SHROOM3: variants seen among roughly 807,000 people sequenced by gnomAD.
SHROOM3 encodes the protein shroom family member 3, also known as protein Shroom3.
SHROOM3 carries 47 observed loss-of-function variants against 138.6 expected under a neutral mutation model. The observed-to-expected ratio is 0.34, with a 90% CI of 0.27 to 0.43. SHROOM3 has a LOEUF of 0.43. Among genes scored for constraint, SHROOM3 ranks in the 20% least tolerant of loss-of-function variants. The probability of loss-of-function intolerance (pLI) is 1.00; values close to 1 mark genes in which losing one functional copy is unlikely to be tolerated. For synonymous variants in SHROOM3, 1,062 were observed against 1,063.3 expected (o/e 1.00, Z 0.02); for missense variants, 2,491 against 2,596.5 (o/e 0.96, Z 0.88).
At chr4:76,472,765 G>A (rs112785165) in intron 1 of SHROOM3, among the ~76,000 whole-genome samples, 2 of 151,796 alleles carry the variant, frequency 1.3e-5, no homozygotes, top group East Asian at 3.9e-4. Flanking sequence ...CGTGATCTCA[G>A]CTCACTGCAA....
chr4:76,771,122 T>C (rs549278167), intron 10 of SHROOM3, among the ~76,000 whole-genome samples: 2 of 152,316 alleles, frequency 1.3e-5, no homozygotes, highest in South Asian at 4.2e-4. Context: ...TCCAGCATTT[T>C]GGGAGCCCAA....
In SHROOM3 at chr4:76,756,876, A is replaced by G; in HGVS notation, c.5137A>G (p.Asn1713Asp). The change falls in exon 8 of 11, where the codon AAC (asparagine) becomes GAC (aspartate). Residue 1713 changes from asparagine to aspartate, a missense_variant. By Grantham distance (23) the Asn-to-Asp change is conservative. Transcript: ENST00000296043. ...CCGAGATGTGAACTTGCTGAAGGAA[A>G]ACAGTGTAAAGAGGAAGGCCATACA... ...FPRDVNLLKE[N>D]SVKRKAIQRT... The G allele has an allele frequency of 6.2e-7, 1 of 1,614,126 alleles. No homozygotes were observed. The highest frequency in any genetic ancestry group is 2.2e-5 in the East Asian group (1 of 44,874).
At chr4:76,571,007 A>C (rs2110038086) in intron 2 of SHROOM3, among the ~76,000 whole-genome samples, 1 of 152,340 alleles carries the variant, frequency 6.6e-6, no homozygotes, top group Middle Eastern at 3.4e-3. Context: ...AATTGTTATC[A>C]GTTTAGGATC....
At chr4:76,493,159 T>C (rs1348352130) in intron 1 of SHROOM3, among the ~76,000 whole-genome samples, 1 of 143,218 alleles carries the variant, frequency 7.0e-6, no homozygotes, top group Non-Finnish European at 1.5e-5. Context: ...AGGCGGCGGT[T>C]GCAGTGAGCC....
chr4:76,586,460 CT>C, intron 2 of SHROOM3: 1 of 985,476 alleles, frequency 1.0e-6, no homozygotes, highest in African/African-American at 1.7e-5. Context: ...TGGGCATAGA[CT>C]TCCTTAAGGT....
intron 1 of SHROOM3, among the ~76,000 whole-genome samples, chr4:76,502,541 G>A (rs534681301): frequency 6.6e-6 from 1 of 152,314 alleles, no homozygotes; most frequent in South Asian, 2.1e-4. Context: ...TACTTAGCTC[G>A]TGTCCACTGT....
chr4:76,439,013 G>C (rs1217670933), intron 1 of SHROOM3, among the ~76,000 whole-genome samples: 3 of 152,120 alleles, frequency 2.0e-5, no homozygotes, highest in Non-Finnish European at 4.4e-5. Flanking sequence ...CAAACTTATG[G>C]CTTAAAAACA....
Position 76,664,756 on chromosome 4 carries a change from A to G in SHROOM3, c.324-45400A>G, listed in dbSNP as rs918518503. Among the ~76,000 whole-genome samples the G allele has an allele frequency of 3.3e-5, 5 of 152,226 alleles. No homozygotes were observed. The highest frequency in any genetic ancestry group is 6.5e-5 in the Admixed American group (1 of 15,288). ...TTAAGTATATCAAAGTTATTGTGCAATGGAGCTTGATAACTTTTTTATCCT... is the reference window on the plus strand; with the variant it reads ...TTAAGTATATCAAAGTTATTGTGCAGTGGAGCTTGATAACTTTTTTATCCT... On this transcript the variant is annotated intron_variant, in intron 2 of 10. Transcript: ENST00000296043. The surrounding 1 kb of genome is among the most constrained non-coding windows in gnomAD (Gnocchi z 4.2).
intron 2 of SHROOM3, among the ~76,000 whole-genome samples, chr4:76,681,048 G>A (rs750269424): frequency 1.1e-4 from 16 of 152,332 alleles, no homozygotes; most frequent in Middle Eastern, 3.4e-3. Flanking sequence ...TACAGATCTT[G>A]AAGATGGCCT....
chr4:76,490,408 C>T (rs1731824858), intron 1 of SHROOM3, among the ~76,000 whole-genome samples: 1 of 151,930 alleles, frequency 6.6e-6, no homozygotes, highest in African/African-American at 2.4e-5. Context: ...AGCTTCTGGT[C>T]TTTTTGTATT....
intron 1 of SHROOM3, among the ~76,000 whole-genome samples, chr4:76,553,415 A>G (rs1357288819): frequency 6.6e-6 from 1 of 152,184 alleles, no homozygotes; most frequent in Non-Finnish European, 1.5e-5. Context: ...AGCTGGGATT[A>G]CAGGCATGCA....
intron 1 of SHROOM3, among the ~76,000 whole-genome samples, chr4:76,479,331 A>T (rs1297770219): frequency 6.6e-6 from 1 of 151,936 alleles, no homozygotes; most frequent in Non-Finnish European, 1.5e-5. Flanking sequence ...GTTGTGAAGC[A>T]TATACACAAG....
chr4:76,689,168 G>C (rs1305528143), intron 2 of SHROOM3, among the ~76,000 whole-genome samples: 3 of 152,118 alleles, frequency 2.0e-5, no homozygotes, highest in African/African-American at 7.2e-5. Flanking sequence ...GAGGGTGTGT[G>C]CTTCGGTCCG....
intron 9 of SHROOM3, 78 bp downstream of exon 9, chr4:76,759,773 G>C: frequency 6.5e-7 from 1 of 1,539,790 alleles, no homozygotes; most frequent in Non-Finnish European, 8.8e-7. Flanking sequence ...CGTGGTGACT[G>C]GGCCTCTTGA....
At chr4:76,689,235 C>CT (rs1204143263) in intron 2 of SHROOM3, among the ~76,000 whole-genome samples, 1 of 152,042 alleles carries the variant, frequency 6.6e-6, no homozygotes, top group Admixed American at 6.5e-5. Flanking sequence ...GAGCGCGACG[C>CT]TTCCACCCCA....
intron 9 of SHROOM3, among the ~76,000 whole-genome samples, chr4:76,767,139 T>C (rs1204119493): frequency 1.3e-5 from 2 of 152,180 alleles, no homozygotes; most frequent in Non-Finnish European, 2.9e-5. Flanking sequence ...GAAGCCCGAT[T>C]GCAGTTTGGC....
At chr4:76,554,696 A>G (rs1733442874) in intron 1 of SHROOM3, among the ~76,000 whole-genome samples, 1 of 152,166 alleles carries the variant, frequency 6.6e-6, no homozygotes, top group African/African-American at 2.4e-5. Flanking sequence ...CTGGGATTAC[A>G]GGCATGAGCC....
At chr4:76,532,636 A>G (rs1238866362) in intron 1 of SHROOM3, among the ~76,000 whole-genome samples, 1 of 152,174 alleles carries the variant, frequency 6.6e-6, no homozygotes, top group Non-Finnish European at 1.5e-5. Flanking sequence ...CTGTGGCCAT[A>G]ACTTTTGCAG....
At chr4:76,717,684 T>C (rs1720415568) in intron 3 of SHROOM3, among the ~76,000 whole-genome samples, 1 of 152,266 alleles carries the variant, frequency 6.6e-6, no homozygotes, top group African/African-American at 2.4e-5. Context: ...TCAGCTTTGA[T>C]GTGAACCTAA....
Sources: allele counts gnomAD v4.1 joint callset (sites outside exome capture counted in the v4.1 genomes callset), GRCh38; gene constraint gnomAD v4.1.1; non-coding constraint Gnocchi (gnomAD v3.1); transcripts MANE v1.5; gene names NCBI Gene and HGNC (gene_info 2026-07-23, HGNC 2026-07-21).